The following DLGAP2 variants were observed in gnomAD, a reference collection of about 807,000 sequenced individuals.
DLGAP2 encodes the protein DLG associated protein 2.
DLGAP2 carries 26 observed loss-of-function variants against 100.3 expected under a neutral mutation model. The ratio of observed to expected loss-of-function variants is 0.26; its 90% CI spans 0.19 to 0.36. The LOEUF (loss-of-function observed/expected upper bound fraction) is 0.36, where lower values mean the gene tolerates loss of function less well. Among genes scored for constraint, DLGAP2 ranks in the 10% least tolerant of loss-of-function variants. The pLI, the probability that DLGAP2 is intolerant of heterozygous loss-of-function variation, is 1.00. For missense variants in DLGAP2, 1,858 were observed against 1,453.2 expected (o/e 1.28, Z -4.53); for synonymous variants, 886 against 630.1 (o/e 1.41, Z -6.08).
chr8:1,407,976 C>T (rs1230104729), intron 3 of DLGAP2, among the ~76,000 whole-genome samples: 3 of 152,224 alleles, frequency 2.0e-5, no homozygotes, highest in Non-Finnish European at 4.4e-5. Context: ...GGTGGGCTGT[C>T]CTGCACAGCA....
At chr8:1,608,832 G>T (rs918045266) in intron 6 of DLGAP2, among the ~76,000 whole-genome samples, 26 of 150,548 alleles carry the variant, frequency 1.7e-4, no homozygotes, top group African/African-American at 5.3e-4. Context: ...AGAAGGGAAG[G>T]TTAGAGAAAA....
rs1021067333 is a variant in DLGAP2, at chr8:1,057,945, T to C, written c.73+149979T>C. 3.9e-5 allele frequency among the ~76,000 whole-genome samples: 6 copies of C among 152,360 alleles called. No individual in the cohort carries two copies. In the South Asian group the frequency reaches 6.2e-4, roughly 16 times the overall value. On this transcript the variant is annotated intron_variant, in intron 2 of 14. Transcript: ENST00000637795. ...ACATTAGGACCCAGAGACATCAAGCTGCATAAACAAGAAAACTTGTTTTGC... is the reference window on the plus strand; with the variant it reads ...ACATTAGGACCCAGAGACATCAAGCCGCATAAACAAGAAAACTTGTTTTGC...
intron 1 of DLGAP2, among the ~76,000 whole-genome samples, chr8:851,848 G>A (rs923893234): frequency 1.1e-4 from 17 of 149,958 alleles, no homozygotes; most frequent in Non-Finnish European, 2.4e-4. Context: ...GCTGGGTGGC[G>A]GGAGCTGCAG....
At chr8:748,956 T>C (rs1307506661) in intron 1 of DLGAP2, among the ~76,000 whole-genome samples, 2 of 152,260 alleles carry the variant, frequency 1.3e-5, no homozygotes, top group African/African-American at 4.8e-5. Flanking sequence ...TCTCTGTATC[T>C]GGTGGTATAA....
chr8:960,712 C>T (rs984215472), intron 2 of DLGAP2, among the ~76,000 whole-genome samples: 2 of 152,268 alleles, frequency 1.3e-5, no homozygotes, highest in South Asian at 2.1e-4. Flanking sequence ...AGATGCTCCT[C>T]GACTTATGAT....
At chr8:744,502 C>G (rs1294671879) in intron 1 of DLGAP2, among the ~76,000 whole-genome samples, 2 of 152,070 alleles carry the variant, frequency 1.3e-5, no homozygotes, top group Non-Finnish European at 2.9e-5. Flanking sequence ...ACGTCGCCCT[C>G]CCGGGGTGCT....
At chr8:1,446,164 C>T (rs1185561005) in intron 3 of DLGAP2, among the ~76,000 whole-genome samples, 1 of 151,976 alleles carries the variant, frequency 6.6e-6, no homozygotes, top group Non-Finnish European at 1.5e-5. Flanking sequence ...GAAGTCCTTG[C>T]CCATGCCTAT....
intron 3 of DLGAP2, chr8:1,300,977 G>C (rs990473864): frequency 2.6e-5 from 4 of 152,290 alleles, no homozygotes; most frequent in African/African-American, 9.6e-5. Context: ...GTGCTCATCT[G>C]GTGGGGCTCA....
At chr8:906,744 C>T (rs1024775981) in intron 1 of DLGAP2, among the ~76,000 whole-genome samples, 4 of 152,236 alleles carry the variant, frequency 2.6e-5, no homozygotes, top group Non-Finnish European at 5.9e-5. Flanking sequence ...TTCTCTGCCT[C>T]AGCCACACAG....
At chr8:1,163,222 G>A (rs975503661) in intron 2 of DLGAP2, among the ~76,000 whole-genome samples, 3 of 152,216 alleles carry the variant, frequency 2.0e-5, no homozygotes, top group African/African-American at 7.2e-5. Flanking sequence ...AACTGACGAT[G>A]GCAGCTGCGC....
At chr8:1,024,192 G>A (rs1251643013) in intron 2 of DLGAP2, among the ~76,000 whole-genome samples, 1 of 85,992 alleles carries the variant, frequency 1.2e-5, no homozygotes, top group Admixed American at 1.5e-4. Context: ...GGACAGTTCC[G>A]TGCCGAGGTA....
At chr8:1,208,865 AAAAT>A (rs61478484) in intron 2 of DLGAP2, among the ~76,000 whole-genome samples, 36,539 of 144,378 alleles carry the variant, frequency 0.25, 5,082 homozygotes, top group Middle Eastern at 0.41. Context: ...AATAGCTGCA[AAAAT>A]AAATAAATAA....
At chr8:1,445,913 A>T (rs1356405306) in intron 3 of DLGAP2, among the ~76,000 whole-genome samples, 1 of 152,152 alleles carries the variant, frequency 6.6e-6, no homozygotes, top group African/African-American at 2.4e-5. Context: ...TGTTCATATC[A>T]TTCACCAACT....
At chr8:1,360,310 C>CTGGGT (rs1165882478) in intron 3 of DLGAP2, among the ~76,000 whole-genome samples, 1 of 61,184 alleles carries the variant, frequency 1.6e-5, no homozygotes, top group East Asian at 8.4e-4. Context: ...CGGGGCTTCT[C>CTGGGT]CGGGGCGGGG....
At chr8:1,455,807 C>T (rs180950998) in intron 3 of DLGAP2, among the ~76,000 whole-genome samples, 41 of 152,352 alleles carry the variant, frequency 2.7e-4, no homozygotes, top group African/African-American at 9.1e-4. Flanking sequence ...GGCACCACCT[C>T]CTCCCATCAG....
At chr8:1,106,232 C>T (rs963655246) in intron 2 of DLGAP2, among the ~76,000 whole-genome samples, 7 of 146,868 alleles carry the variant, frequency 4.8e-5, no homozygotes, top group African/African-American at 7.6e-5. Context: ...TTGAAGGGAA[C>T]CATTCTAGGA....
intron 1 of DLGAP2, among the ~76,000 whole-genome samples, chr8:798,939 C>T (rs1327616779): frequency 6.6e-6 from 1 of 152,256 alleles, no homozygotes. Context: ...TTGTTGAGAG[C>T]CTTCCCACTT....
chr8:801,271 G>A (rs2132655191), intron 1 of DLGAP2, among the ~76,000 whole-genome samples: 1 of 152,322 alleles, frequency 6.6e-6, no homozygotes, highest in South Asian at 2.1e-4. Flanking sequence ...AGCAGTTTAA[G>A]GAAATAAGAA....
chr8:1,423,153 A>C (rs139022576), intron 3 of DLGAP2, among the ~76,000 whole-genome samples: 250 of 152,366 alleles, frequency 1.6e-3, no homozygotes, highest in African/African-American at 5.7e-3. Flanking sequence ...ACAACAGCTA[A>C]AGCCTAGGTG....
Sources: gnomAD v4.1 joint callset for allele counts (sites outside exome capture counted in the v4.1 genomes callset) on GRCh38, gnomAD v4.1.1 for gene constraint, MANE v1.5 for transcripts, NCBI Gene and HGNC (gene_info 2026-07-23, HGNC 2026-07-21) for gene names.